The following TEX9 variants were observed in gnomAD, a reference collection of about 807,000 sequenced individuals.
TEX9 encodes testis expressed 9.
A neutral mutation model predicts 59.6 loss-of-function variants in TEX9; 74 were observed. The ratio of observed to expected loss-of-function variants is 1.24; its 90% CI spans 1.03 to 1.51. The LOEUF is 1.51. Among genes scored for constraint, TEX9 ranks in the 40% most tolerant of loss-of-function variants. The probability of loss-of-function intolerance (pLI) is 0.00; values close to 1 mark genes in which losing one functional copy is unlikely to be tolerated. For missense variants in TEX9, 522 were observed against 447.8 expected, an observed-to-expected ratio of 1.17 and a Z score of -1.49; for synonymous variants, 186 against 152.2, an observed-to-expected ratio of 1.22 and a Z score of -1.64.
chr15:56,444,518 T>G (rs560540681), intron 12 of TEX9: 1 of 1,612,314 alleles, frequency 6.2e-7, no homozygotes, highest in East Asian at 2.2e-5. Flanking sequence ...GCTCATAAGC[T>G]TCCTGCTTTT....
chr15:56,339,405 A>AAC (rs1234095165), intron 1 of TEX9, among the ~76,000 whole-genome samples: 1 of 115,686 alleles, frequency 8.6e-6, no homozygotes, highest in Non-Finnish European at 2.0e-5. Context: ...AAAAAAAAAA[A>AAC]AAAAAAAAAC....
intron 1 of TEX9, chr15:56,274,724 G>GT (rs200067075): frequency 0.047 from 6,982 of 147,114 alleles, 219 homozygotes; most frequent in Admixed American, 0.09. Flanking sequence ...GGGCAGGCAT[G>GT]TTTTTTTTTT....
At chr15:56,456,173 G>A in the TEX9 span, among the ~76,000 whole-genome samples, 3 of 151,826 alleles carry the variant, frequency 2.0e-5, no homozygotes, top group Non-Finnish European at 4.4e-5. Flanking sequence ...AAGAGCAGGG[G>A]GACTGATATT....
chr15:56,263,313 G>A lies in TEX9; in HGVS notation c.-107+19035G>A, dbSNP rs116470174. Among the ~76,000 whole-genome samples, 502 of 152,242 alleles carry A rather than the reference G, an allele frequency of 3.3e-3. 3 individuals carry two copies. Among genetic ancestry groups the A allele is most frequent in the African/African-American group, 0.012 (482 of 41,540 alleles). The stretch of plus-strand genomic sequence containing the variant: ...TCTGGGATTACAGGCGTGAGCCACC[G>A]TGCCTGGCCACGGGTTGTTTTTTTA... On this transcript the variant is annotated intron_variant, in intron 1 of 5. Coordinates refer to the TEX9 transcript ENST00000560827.
chr15:56,437,135 C>T (rs957239077), intron 12 of TEX9, among the ~76,000 whole-genome samples: 10 of 150,880 alleles, frequency 6.6e-5, no homozygotes, highest in African/African-American at 2.4e-4. Flanking sequence ...CTTTGGTCGT[C>T]TGTCATCCTG....
At chr15:56,277,034 ATTTG>A (rs1394602287) in intron 1 of TEX9, among the ~76,000 whole-genome samples, 1 of 151,340 alleles carries the variant, frequency 6.6e-6, no homozygotes, top group African/African-American at 2.4e-5. Context: ...TTTCTTGTAA[ATTTG>A]TTTAAGATCG....
intron 9 of TEX9, among the ~76,000 whole-genome samples, chr15:56,405,240 G>A (rs1022786387): frequency 6.6e-6 from 1 of 151,536 alleles, no homozygotes; most frequent in Non-Finnish European, 1.5e-5. Flanking sequence ...AACCGGGAGG[G>A]AGCTTGCGGT....
At chr15:56,445,089 T>G (rs1401337824) in intron 12 of TEX9, among the ~76,000 whole-genome samples, 8 of 152,068 alleles carry the variant, frequency 5.3e-5, no homozygotes, top group African/African-American at 1.9e-4. Context: ...TGGTACTGCC[T>G]CTTTCTTACA....
intron 1 of TEX9, among the ~76,000 whole-genome samples, chr15:56,268,019 C>T (rs552495956): frequency 6.6e-6 from 1 of 152,226 alleles, no homozygotes; most frequent in South Asian, 2.1e-4. Flanking sequence ...GTTTGTAGTT[C>T]TCCTTGAAGA....
In TEX9 at chr15:56,297,397, A is replaced by G. The variant is rs182415025; in HGVS notation, c.-107+53119A>G. Among the ~76,000 whole-genome samples, 109 of 152,362 alleles carry G rather than the reference A, an allele frequency of 7.2e-4. No individual in the cohort carries two copies. In the Middle Eastern group the frequency reaches 0.01, roughly 14 times the overall value. ...AAGCATCTTTTATCTATTACCCAAC[A>G]ACAAACTTGAAAATATATGCCTTGA... On this transcript the variant is annotated intron_variant, in intron 1 of 5. Coordinates refer to the TEX9 transcript ENST00000560827.
intron 9 of TEX9, chr15:56,396,589 G>A (rs932875043): frequency 1.1e-4 from 9 of 79,230 alleles, no homozygotes. Flanking sequence ...TTTTTTTTCA[G>A]TTAGCATAAA....
At chr15:56,423,096 C>A (rs1487648035) in intron 10 of TEX9, among the ~76,000 whole-genome samples, 1 of 152,168 alleles carries the variant, frequency 6.6e-6, no homozygotes, top group Non-Finnish European at 1.5e-5. Context: ...ATGAGTTGCA[C>A]TGCTTTGAAC....
chr15:56,347,855 A>G lies in TEX9; in HGVS notation c.-106-25586A>G, dbSNP rs74015407. Among the ~76,000 whole-genome samples the G allele has an allele frequency of 4.4e-3, 670 of 152,256 alleles. 12 individuals carry two copies. The highest frequency in any genetic ancestry group is 0.016 in the African/African-American group (654 of 41,580). The stretch of plus-strand genomic sequence containing the variant: ...TATAGAGTGGCAGAAAATATTTACA[A>G]GCAACACTTTTTATAAAGGATTAGT... On this transcript the variant is annotated intron_variant, in intron 1 of 5. Coordinates refer to the TEX9 transcript ENST00000560827.
chr15:56,437,362 A>C (rs2140339765), intron 12 of TEX9, among the ~76,000 whole-genome samples: 1 of 152,314 alleles, frequency 6.6e-6, no homozygotes, highest in Non-Finnish European at 1.5e-5. Flanking sequence ...CAATGACAAA[A>C]AACACATGAT....
intron 6 of TEX9, among the ~76,000 whole-genome samples, chr15:56,390,211 C>T (rs2048142760): frequency 6.6e-6 from 1 of 151,802 alleles, no homozygotes; most frequent in African/African-American, 2.4e-5. Flanking sequence ...AAAGGGTTAT[C>T]TTTTCAGACT....
intron 1 of TEX9, among the ~76,000 whole-genome samples, chr15:56,286,179 C>G (rs1156627897): frequency 2.0e-5 from 3 of 152,050 alleles, no homozygotes; most frequent in Admixed American, 2.0e-4. Context: ...GAACAAAAAG[C>G]AGAAATAGTC....
intron 2 of TEX9, 151 bp downstream of exon 2, chr15:56,365,821 T>C: frequency 6.9e-7 from 1 of 1,446,490 alleles, no homozygotes; most frequent in South Asian, 1.5e-5. Context: ...CCGTTTATCC[T>C]TTCTTTGTCT....
intron 1 of TEX9, among the ~76,000 whole-genome samples, chr15:56,344,263 A>G (rs539932014): frequency 5.6e-4 from 86 of 152,322 alleles, no homozygotes; most frequent in African/African-American, 1.9e-3. Flanking sequence ...AATGGAAATA[A>G]TCCAAATTTC....
downstream of TEX9, among the ~76,000 whole-genome samples, chr15:56,448,674 T>C (rs1262946430): frequency 3.3e-5 from 5 of 152,168 alleles, no homozygotes; most frequent in Non-Finnish European, 7.3e-5. Context: ...TTTGCTATTA[T>C]GAATAGCACA....
Sources: gnomAD v4.1 joint callset for allele counts (sites outside exome capture counted in the v4.1 genomes callset) on GRCh38, gnomAD v4.1.1 for gene constraint, MANE v1.5 for transcripts, NCBI Gene and HGNC (gene_info 2026-07-23, HGNC 2026-07-21) for gene names.